Variants in ANTXR2 observed in about 807,000 individuals in gnomAD.
ANTXR2 encodes the protein anthrax toxin receptor 2.
In ANTXR2, 44 loss-of-function variants were observed where a neutral mutation model predicts 73.7. The observed-to-expected ratio is 0.60, with a 90% confidence interval of 0.47 to 0.77. The LOEUF is 0.77. Ranked by LOEUF, ANTXR2 falls within the 30% of genes least tolerant of loss-of-function variation. ANTXR2 has a pLI of 0.00. For synonymous variants in ANTXR2, 217 were observed against 205.9 expected, an observed-to-expected ratio of 1.05 and a Z score of -0.46; for missense variants, 604 against 592.5, an observed-to-expected ratio of 1.02 and a Z score of -0.20.
intron 11 of ANTXR2, among the ~76,000 whole-genome samples, chr4:80,013,768 A>G (rs1242212927): frequency 1.3e-5 from 2 of 152,178 alleles, no homozygotes; most frequent in East Asian, 1.9e-4. Flanking sequence ...CTCACTTTTC[A>G]TATCTATGGA....
intron 16 of ANTXR2, among the ~76,000 whole-genome samples, chr4:79,932,877 A>G (rs1728114937): frequency 6.6e-6 from 1 of 150,386 alleles, no homozygotes; most frequent in Non-Finnish European, 1.5e-5. Flanking sequence ...TTGCAGCAGG[A>G]GGGTAGCAAC....
chr4:80,005,874 C>G (rs1254189093), intron 12 of ANTXR2, among the ~76,000 whole-genome samples: 1 of 152,096 alleles, frequency 6.6e-6, no homozygotes, highest in East Asian at 1.9e-4. Flanking sequence ...TTCTCGTCAT[C>G]CCTGGGAAGA....
Position 79,994,211 on chromosome 4 carries a change from T to C in ANTXR2, c.1042-9348A>G, listed in dbSNP as rs1578138750. On this transcript the variant is annotated intron_variant, in intron 12 of 16. Coordinates refer to ENST00000403729, the MANE Select transcript of ANTXR2 (RefSeq NM_058172.6). ...ATCTAACTTATTTCTCTATCTCCAA[T>C]TGATTCCCCATTTTAACCTATGTAG... Among the ~76,000 whole-genome samples the C allele has an allele frequency of 3.3e-5, 5 of 152,166 alleles. No homozygotes were observed. In the South Asian group the frequency reaches 1.0e-3, roughly 32 times the overall value.
At chr4:79,979,048 A>G (rs917531452) in intron 14 of ANTXR2, among the ~76,000 whole-genome samples, 1 of 152,112 alleles carries the variant, frequency 6.6e-6, no homozygotes, top group Non-Finnish European at 1.5e-5. Context: ...AAGTTCAGGA[A>G]CCCTAGAGAA....
intron 12 of ANTXR2, among the ~76,000 whole-genome samples, chr4:80,004,204 T>TA (rs896470599): frequency 1.3e-4 from 19 of 151,596 alleles, no homozygotes; most frequent in Admixed American, 7.9e-4. Flanking sequence ...ATTTTTGAAA[T>TA]AAAAAAATTA....
intron 3 of ANTXR2, 96 bp downstream of exon 3, chr4:80,069,340 T>C: frequency 2.1e-6 from 2 of 957,202 alleles, no homozygotes; most frequent in Non-Finnish European, 3.2e-6. Context: ...TCTGCTTGAT[T>C]CCACTGAGAG....
intron 12 of ANTXR2, among the ~76,000 whole-genome samples, chr4:79,986,123 G>T (rs1045979192): frequency 6.6e-6 from 1 of 152,016 alleles, no homozygotes; most frequent in African/African-American, 2.4e-5. Context: ...AATTCTTCAC[G>T]TGAATAGAAT....
chr4:79,962,164 C>G (rs1578114525), intron 16 of ANTXR2, among the ~76,000 whole-genome samples: 1 of 152,084 alleles, frequency 6.6e-6, no homozygotes, highest in African/African-American at 2.4e-5. Flanking sequence ...AAAAAGCATT[C>G]TATTTCATGA....
chr4:79,929,230 G>A (rs1209041005), intron 16 of ANTXR2, among the ~76,000 whole-genome samples: 1 of 152,078 alleles, frequency 6.6e-6, no homozygotes, highest in Non-Finnish European at 1.5e-5. Flanking sequence ...AGGCGTGTTG[G>A]GAGGGCAGGC....
In ANTXR2 at chr4:79,906,063, T is replaced by G. The variant is rs1471619423; in HGVS notation, c.*1366A>C. The G allele has an allele frequency of 6.6e-6, 1 of 152,648 alleles. No individual in the cohort carries two copies. Among genetic ancestry groups the G allele is most frequent in the Non-Finnish European group, 1.5e-5 (1 of 68,046 alleles). 9.5% of individuals were successfully genotyped at this position (152,648 alleles called of 1,614,324 possible). ...CGCATCTGAAGTACAGTATCGAAAGTGACTAGATCATTTGAGCTTTTTTCT... is the reference window on the plus strand; with the variant it reads ...CGCATCTGAAGTACAGTATCGAAAGGGACTAGATCATTTGAGCTTTTTTCT... On this transcript the variant is annotated 3_prime_UTR_variant, in exon 17 of 17. Transcript: ENST00000403729.
At chr4:79,919,921 A>ATAT (rs1727528757) in intron 16 of ANTXR2, among the ~76,000 whole-genome samples, 1 of 12,228 alleles carries the variant, frequency 8.2e-5, no homozygotes, top group Non-Finnish European at 1.6e-4. Flanking sequence ...ATATATATAT[A>ATAT]AAAAATGATA....
intron 16 of ANTXR2, among the ~76,000 whole-genome samples, chr4:79,952,638 A>C (rs1286438182): frequency 6.6e-6 from 1 of 151,980 alleles, no homozygotes; most frequent in Admixed American, 6.6e-5. Flanking sequence ...ATTTTCATTA[A>C]TACTATTAAT....
intron 16 of ANTXR2, among the ~76,000 whole-genome samples, chr4:79,914,704 C>T (rs1727278748): frequency 6.6e-6 from 1 of 152,076 alleles, no homozygotes; most frequent in South Asian, 2.1e-4. Context: ...TTAATATGAA[C>T]TTGAAGTTTA....
chr4:79,955,250 C>T (rs1339964053), intron 16 of ANTXR2, among the ~76,000 whole-genome samples: 2 of 152,016 alleles, frequency 1.3e-5, no homozygotes, highest in African/African-American at 4.8e-5. Flanking sequence ...CTGTATTTCC[C>T]TTACTCTCTT....
At chr4:80,047,820 T>C (rs754691056) in intron 7 of ANTXR2, among the ~76,000 whole-genome samples, 14 of 151,738 alleles carry the variant, frequency 9.2e-5, no homozygotes, top group Non-Finnish European at 1.9e-4. Flanking sequence ...ATTGATTCCT[T>C]GGATCCAGCT....
intron 3 of ANTXR2, among the ~76,000 whole-genome samples, chr4:80,056,962 C>G (rs1376366287): frequency 6.6e-6 from 1 of 151,704 alleles, no homozygotes; most frequent in African/African-American, 2.4e-5. Flanking sequence ...AAATTCAAAA[C>G]TTGTTTTATA....
intron 16 of ANTXR2, among the ~76,000 whole-genome samples, chr4:79,915,864 A>C (rs190049913): frequency 0.019 from 2,518 of 132,872 alleles, 32 homozygotes; most frequent in Non-Finnish European, 0.023. Context: ...CTCTCTCTCT[A>C]TATATATATA....
chr4:79,994,839 G>A (rs900791036), intron 12 of ANTXR2, among the ~76,000 whole-genome samples: 11 of 151,842 alleles, frequency 7.2e-5, no homozygotes, highest in Non-Finnish European at 1.3e-4. Context: ...AACTATCAAA[G>A]CCCCTTTTGC....
chr4:79,983,911 A>G lies in ANTXR2; in HGVS notation c.1146T>C (p.Gly382=), dbSNP rs766311689. ...TTTTAATTCCTCCAACCCCTCGACC[A>G]CCATAATAGGAAGCATCCACAGTTG... The part of the protein sequence containing the change: ...KWPTVDASYY[G]GRGVGGIKRM... The change falls in exon 14 of 17, where the codon GGT becomes GGC. Residue 382 remains glycine, a synonymous_variant. Coordinates refer to ENST00000403729, the MANE Select transcript of ANTXR2 (RefSeq NM_058172.6). The G allele has an allele frequency of 6.2e-7, 1 of 1,610,922 alleles. No individual in the cohort carries two copies. The highest frequency in any genetic ancestry group is 1.7e-5 in the Admixed American group (1 of 59,694).
Sources: gnomAD v4.1 joint callset for allele counts (sites outside exome capture counted in the v4.1 genomes callset) on GRCh38, gnomAD v4.1.1 for gene constraint, MANE v1.5 for transcripts, NCBI Gene and HGNC (gene_info 2026-07-23, HGNC 2026-07-21) for gene names.